Variants in FOCAD observed in about 807,000 individuals in gnomAD.
FOCAD encodes KIAA1797.
In FOCAD, 198 loss-of-function variants were observed where a neutral mutation model predicts 225.6. The ratio of observed to expected loss-of-function variants is 0.88; its 90% CI spans 0.78 to 0.99. The LOEUF (loss-of-function observed/expected upper bound fraction) is 0.99. Ranked by LOEUF, FOCAD falls within the 50% of genes least tolerant of loss-of-function variation. FOCAD has a pLI of 0.00. For missense variants in FOCAD, 2,713 were observed against 2,123.6 expected (o/e 1.28, Z -5.46); for synonymous variants, 897 against 755.0 (o/e 1.19, Z -3.08).
chr9:20,763,481 T>C (rs968222631), intron 6 of FOCAD, among the ~76,000 whole-genome samples: 7 of 152,126 alleles, frequency 4.6e-5, no homozygotes, highest in Non-Finnish European at 7.4e-5. Context: ...AAAAATGTAA[T>C]GGCAATAAAG....
chr9:20,896,842 T>A (rs183110608), intron 21 of FOCAD: 1 of 152,014 alleles, frequency 6.6e-6, no homozygotes, highest in African/African-American at 2.4e-5. Flanking sequence ...ATGTTACATG[T>A]GAGCTTGAGA....
At chr9:20,777,202 A>T in intron 8 of FOCAD, among the ~76,000 whole-genome samples, 1 of 152,006 alleles carries the variant, frequency 6.6e-6, no homozygotes, top group East Asian at 1.9e-4. Flanking sequence ...TAGTATCTTC[A>T]AGATTATAAT....
intron 11 of FOCAD, among the ~76,000 whole-genome samples, chr9:20,810,952 G>A (rs1407522843): frequency 6.6e-6 from 1 of 151,992 alleles, no homozygotes; most frequent in Non-Finnish European, 1.5e-5. Flanking sequence ...TTCTGATGAT[G>A]TTTATGTTTT....
rs1830125532 is a variant in FOCAD at position 20,875,088 on chromosome 9, C to T, written c.2317+281C>T. ...ATTCATTTAAAAGGCTAAATGTATT[C>T]CACAAGATGAATTTGCACTGGTACT... is the stretch of plus-strand genomic sequence containing the variant. On this transcript the variant is annotated intron_variant, in intron 19 of 43. Coordinates refer to ENST00000338382, the MANE Select transcript of FOCAD (RefSeq NM_001375567.1). 1.2e-5 allele frequency: 4 copies of T among 345,216 alleles called. No homozygotes were observed. The South Asian group carries it at 1.5e-4, about 13-fold the overall frequency. The allele number at this position is 345,216 out of a possible 1,614,324, so 21.4% of individuals were successfully genotyped here.
intron 8 of FOCAD, among the ~76,000 whole-genome samples, chr9:20,772,774 A>G (rs1587108060): frequency 6.6e-6 from 1 of 151,960 alleles, no homozygotes; most frequent in Non-Finnish European, 1.5e-5. Flanking sequence ...GCCCAGGAAG[A>G]CTCAAGTATT....
intron 7 of FOCAD, among the ~76,000 whole-genome samples, chr9:20,767,800 C>G (rs1830184891): frequency 6.7e-6 from 1 of 149,406 alleles, no homozygotes; most frequent in Admixed American, 6.7e-5. Context: ...ATGGTAGTTT[C>G]TTTTGCTGTG....
At chr9:20,754,624 A>G (rs540710640) in intron 5 of FOCAD, among the ~76,000 whole-genome samples, 2 of 151,580 alleles carry the variant, frequency 1.3e-5, no homozygotes, top group Non-Finnish European at 2.9e-5. Flanking sequence ...CTTGTCATTT[A>G]CTCAATGGAG....
chr9:20,805,152 A>T (rs183628065), intron 11 of FOCAD, among the ~76,000 whole-genome samples: 2 of 152,182 alleles, frequency 1.3e-5, no homozygotes, highest in African/African-American at 4.8e-5. Flanking sequence ...TGAAAAGTCT[A>T]TCTGCTTATT....
Position 20,785,357 on chromosome 9 carries a change from A to G in FOCAD, c.1197+3428A>G, listed in dbSNP as rs533152600. 1.3e-4 allele frequency among the ~76,000 whole-genome samples: 20 copies of G among 152,036 alleles called. No individual in the cohort carries two copies. In the South Asian group the frequency reaches 3.7e-3, roughly 28 times the overall value. ...ACTTTAGAACATTTTTATTTTTATTACCCTAAACAATCCCTGCACTCTTAG... is the reference window on the plus strand; with the variant it reads ...ACTTTAGAACATTTTTATTTTTATTGCCCTAAACAATCCCTGCACTCTTAG... On this transcript the variant is annotated intron_variant, in intron 10 of 43. Coordinates refer to ENST00000338382, the MANE Select transcript of FOCAD (RefSeq NM_001375567.1).
At chr9:20,660,977 T>C (rs1398203811) in intron 2 of FOCAD, among the ~76,000 whole-genome samples, 5 of 152,126 alleles carry the variant, frequency 3.3e-5, no homozygotes, top group Admixed American at 3.3e-4. Flanking sequence ...AACATGTTCA[T>C]AGACCACGGG....
intron 8 of FOCAD, 56 bp downstream of exon 8, chr9:20,770,294 A>G: frequency 1.4e-6 from 2 of 1,454,898 alleles, no homozygotes; most frequent in Non-Finnish European, 1.9e-6. Context: ...AATACCTGAG[A>G]CTTGGTAATT....
At chr9:20,678,629 T>C (rs1336417355) in intron 2 of FOCAD, among the ~76,000 whole-genome samples, 1 of 152,206 alleles carries the variant, frequency 6.6e-6, no homozygotes, top group East Asian at 1.9e-4. Flanking sequence ...AGGCTTCCCT[T>C]GCTTCAGGAG....
chr9:20,962,520 C>T (rs1342480130), intron 35 of FOCAD, among the ~76,000 whole-genome samples: 1 of 151,874 alleles, frequency 6.6e-6, no homozygotes. Context: ...AAGATATGTC[C>T]AAACCACAAA....
intron 6 of FOCAD, 51 bp from the exon 7 acceptor site, chr9:20,764,818 T>G: frequency 7.0e-7 from 1 of 1,424,090 alleles, no homozygotes; most frequent in Non-Finnish European, 9.8e-7. Flanking sequence ...ACTTACCTGC[T>G]TGATAGTGTG....
At chr9:20,764,733 A>T (rs1469326610) in intron 6 of FOCAD, 136 bp from the exon 7 acceptor site, 1 of 706,758 alleles carries the variant, frequency 1.4e-6, no homozygotes, top group African/African-American at 1.8e-5. Context: ...GCGGAATAGA[A>T]GAATCATAAA....
intron 10 of FOCAD, among the ~76,000 whole-genome samples, chr9:20,782,437 G>T (rs1254979245): frequency 6.6e-6 from 1 of 152,044 alleles, no homozygotes; most frequent in Non-Finnish European, 1.5e-5. Context: ...CCCCTATTCT[G>T]CTGCCTCCAA....
intron 4 of FOCAD, among the ~76,000 whole-genome samples, chr9:20,728,067 C>T (rs1049917371): frequency 6.6e-6 from 1 of 152,070 alleles, no homozygotes; most frequent in Non-Finnish European, 1.5e-5. Flanking sequence ...GTAATTATGC[C>T]ATATTAACCT....
At chr9:20,799,767 G>A (rs1004061061) in intron 11 of FOCAD, among the ~76,000 whole-genome samples, 19 of 151,984 alleles carry the variant, frequency 1.3e-4, no homozygotes, top group South Asian at 2.1e-4. Context: ...GGTTTCCTGA[G>A]TACAGCACAC....
intron 27 of FOCAD, 152 bp downstream of exon 27, chr9:20,929,748 T>G: frequency 3.2e-6 from 2 of 630,180 alleles, no homozygotes; most frequent in Non-Finnish European, 5.5e-6. Flanking sequence ...TATTCTTCTT[T>G]AGGAGTAAAT....
Sources: gnomAD v4.1 joint callset for allele counts (sites outside exome capture counted in the v4.1 genomes callset) on GRCh38, gnomAD v4.1.1 for gene constraint, MANE v1.5 for transcripts, NCBI Gene and HGNC (gene_info 2026-07-23, HGNC 2026-07-21) for gene names.